Variants in MAP2K6 observed in about 807,000 individuals in gnomAD.
MAP2K6 encodes dual specificity mitogen-activated protein kinase kinase 6.
MAP2K6 carries 16 observed loss-of-function variants against 53.7 expected under a neutral mutation model. The observed-to-expected ratio is 0.30, with a 90% CI of 0.20 to 0.45. MAP2K6 has a LOEUF of 0.45. MAP2K6 is among the 20% of genes least tolerant of loss of function. MAP2K6 has a pLI of 1.00. For missense variants in MAP2K6, 204 were observed against 411.9 expected (o/e 0.50, Z 4.37); for synonymous variants, 132 against 143.1 (o/e 0.92, Z 0.55).
chr17:69,464,581 T>TAAAG (rs1883001082), intron 1 of MAP2K6, among the ~76,000 whole-genome samples: 1 of 151,446 alleles, frequency 6.6e-6, no homozygotes, highest in African/African-American at 2.4e-5. Flanking sequence ...GAGGTTTCAC[T>TAAAG]ATGTTGCCCA....
Position 69,517,537 on chromosome 17 carries a change from T to C in MAP2K6, c.170T>C (p.Met57Thr). The stretch of plus-strand genomic sequence containing the variant: ...AAGGCAGATGACCTGGAGCCTATAA[T>C]GGAACTGGGACGAGGTGCGTACGGG... The part of the protein sequence containing the change: ...EVKADDLEPI[M>T]ELGRGAYGVV... Residue 57 changes from methionine to threonine, a missense_variant, in exon 4 of 12, where the codon ATG (methionine) becomes ACG (threonine). Physicochemically the swap from Met to Thr is moderately conservative, Grantham distance 81. This residue lies in a region of MAP2K6 where 129 missense variants were observed against 247.1 expected (regional missense o/e 0.52). Coordinates refer to ENST00000590474, the MANE Select transcript of MAP2K6 (RefSeq NM_002758.4). The C allele has an allele frequency of 1.9e-6, 3 of 1,611,316 alleles. No individual in the cohort carries two copies. The highest frequency in any genetic ancestry group is 2.2e-5 in the South Asian group (2 of 90,780).
intron 1 of MAP2K6, among the ~76,000 whole-genome samples, chr17:69,495,139 G>A (rs145689812): frequency 0.013 from 1,948 of 146,532 alleles, 40 homozygotes; most frequent in African/African-American, 0.046. Context: ...CCTCTTATTC[G>A]CTATGCCACT....
At chr17:69,528,739 G>A (rs1056909140) in intron 10 of MAP2K6, among the ~76,000 whole-genome samples, 1 of 151,644 alleles carries the variant, frequency 6.6e-6, no homozygotes, top group South Asian at 2.1e-4. Flanking sequence ...CACACCTGTA[G>A]TCCCAGCTAC....
At chr17:69,533,282 T>C (rs1159477731) in intron 10 of MAP2K6, among the ~76,000 whole-genome samples, 2 of 152,078 alleles carry the variant, frequency 1.3e-5, no homozygotes, top group Non-Finnish European at 2.9e-5. Context: ...AGATAAGATA[T>C]CCTGACTCAA....
At chr17:69,418,233 G>A (rs1905965788) in intron 1 of MAP2K6, among the ~76,000 whole-genome samples, 1 of 152,126 alleles carries the variant, frequency 6.6e-6, no homozygotes. Context: ...TATTAGCATT[G>A]CATTCAGTTC....
Position 69,551,281 on chromosome 17 carries a change from GCTACCC to G in MAP2K6, c.*9531_*9536del. The G allele has an allele frequency of 6.6e-6, 1 of 152,218 alleles. No individual in the cohort carries two copies. 9.4% of individuals were successfully genotyped at this position (152,218 alleles called of 1,614,324 possible). A position where few individuals can be genotyped will look rare whatever the true frequency, so the allele number is the denominator to read the frequency against. On this transcript the variant is annotated 3_prime_UTR_variant, in exon 12 of 12. Transcript: ENST00000590474. ...ACGGTCTGAGACTCAAGCTAACAGA[GCTACCC>G]CTTGCTGCCTTTTGCAAAGGTGTTG...
At chr17:69,430,508 A>G (rs1260263805) in intron 1 of MAP2K6, among the ~76,000 whole-genome samples, 1 of 152,224 alleles carries the variant, frequency 6.6e-6, no homozygotes, top group Non-Finnish European at 1.5e-5. Context: ...TTTCAGCTTC[A>G]GCAGCAATCT....
chr17:69,447,636 A>G (rs11871952), intron 1 of MAP2K6, among the ~76,000 whole-genome samples: 51,097 of 152,176 alleles, frequency 0.34, 9,870 homozygotes, highest in Admixed American at 0.43. Context: ...GTGAGCCACC[A>G]TGCCCGGCTA....
chr17:69,541,825 C>T lies in MAP2K6; in HGVS notation c.*72C>T, dbSNP rs1911653077. 9.2e-7 allele frequency: 1 copy of T among 1,092,646 alleles called. No individual in the cohort carries two copies. Among genetic ancestry groups the T allele is most frequent in the East Asian group, 2.4e-5 (1 of 41,038 alleles). The allele number at this position is 1,092,646 out of a possible 1,614,324, so 67.7% of individuals were successfully genotyped here. A position where few individuals can be genotyped will look rare whatever the true frequency, so the allele number is the denominator to read the frequency against. ...TCGGGGTGAAGCAAGTTCACTACAG[C>T]ATCAATAGAAAGTCATCTTTGAGAT... On this transcript the variant is annotated 3_prime_UTR_variant, in exon 12 of 12. Coordinates refer to ENST00000590474, the MANE Select transcript of MAP2K6 (RefSeq NM_002758.4).
chr17:69,516,680 C>A (rs895836262), intron 2 of MAP2K6, among the ~76,000 whole-genome samples, 175 bp from the exon 3 acceptor site: 5 of 152,144 alleles, frequency 3.3e-5, no homozygotes, highest in Non-Finnish European at 7.3e-5. Context: ...GTGATTTAAA[C>A]CCAAATGTGA....
intron 1 of MAP2K6, among the ~76,000 whole-genome samples, chr17:69,468,580 T>C (rs988280858): frequency 6.6e-6 from 1 of 152,128 alleles, no homozygotes; most frequent in South Asian, 2.1e-4. Flanking sequence ...ATCCTTTGCG[T>C]AGGGTTGATG....
chr17:69,498,745 G>A (rs548354922), intron 1 of MAP2K6, among the ~76,000 whole-genome samples: 8 of 152,020 alleles, frequency 5.3e-5, no homozygotes, highest in Non-Finnish European at 7.4e-5. Context: ...GGTACAGGGC[G>A]TTATCCAGTT....
chr17:69,528,513 G>A (rs911980176), intron 10 of MAP2K6, among the ~76,000 whole-genome samples: 1 of 151,984 alleles, frequency 6.6e-6, no homozygotes, highest in Admixed American at 6.5e-5. Context: ...TGGTTGGTTG[G>A]TTATTTATTT....
At chr17:69,528,851 C>A (rs1440711120) in intron 10 of MAP2K6, among the ~76,000 whole-genome samples, 28 of 102,984 alleles carry the variant, frequency 2.7e-4, no homozygotes, top group East Asian at 5.1e-4. Flanking sequence ...AAGAGAGAGA[C>A]GCCATCTCAA....
Position 69,495,014 on chromosome 17 carries a change from A to C in MAP2K6, c.17-10766A>C, listed in dbSNP as rs571769905. Among the ~76,000 whole-genome samples, 69 of 151,736 alleles carry C rather than the reference A, an allele frequency of 4.5e-4. No homozygotes were observed. In the South Asian group the frequency reaches 5.8e-3, roughly 13 times the overall value. On this transcript the variant is annotated intron_variant, in intron 1 of 11. Coordinates refer to ENST00000590474, the MANE Select transcript of MAP2K6 (RefSeq NM_002758.4). ...GAGCGAAACTCTGTCTAGAAAAAAA[A>C]CCAAAAACCAAAAAACAAAACAAAA...
intron 8 of MAP2K6, among the ~76,000 whole-genome samples, chr17:69,524,022 C>G (rs61758059): frequency 3.2e-3 from 484 of 152,092 alleles, no homozygotes; most frequent in Non-Finnish European, 5.3e-3. Flanking sequence ...GTGAAAGGGG[C>G]GAGGGATCTC....
Position 69,482,609 on chromosome 17 carries a change from A to AT in MAP2K6, c.17-23170dup, listed in dbSNP as rs568525137. On this transcript the variant is annotated intron_variant, in intron 1 of 11. Transcript: ENST00000590474. Reference sequence around the variant, plus strand: ...TTTGGAGATCGTACCACATCAATACATAAAAAAAACTTCTACATTCTTGTT... The same window carrying AT: ...TTTGGAGATCGTACCACATCAATACATTAAAAAAAACTTCTACATTCTTGTT... Among the ~76,000 whole-genome samples the AT allele has an allele frequency of 5.1e-4, 77 of 152,152 alleles. 1 individual carries two copies. The highest frequency in any genetic ancestry group is 1.8e-3 in the African/African-American group (75 of 41,558).
At chr17:69,502,582 A>G in intron 1 of MAP2K6, 2 of 985,296 alleles carry the variant, frequency 2.0e-6, no homozygotes, top group Middle Eastern at 5.2e-4. Context: ...ACTTGGAAAT[A>G]TTAGGTTTAA....
At chr17:69,513,876 A>C (rs1910002521) in intron 2 of MAP2K6, among the ~76,000 whole-genome samples, 2 of 152,148 alleles carry the variant, frequency 1.3e-5, no homozygotes, top group South Asian at 4.1e-4. Flanking sequence ...GCACTTTGGG[A>C]GGCCATGGCA....
Sources: gnomAD v4.1 joint callset for allele counts (sites outside exome capture counted in the v4.1 genomes callset) on GRCh38, gnomAD v4.1.1 for gene constraint, gnomAD v4.1.1 regional missense constraint, MANE v1.5 for transcripts, NCBI Gene and HGNC (gene_info 2026-07-23, HGNC 2026-07-21) for gene names.